SCFD2: variants seen among roughly 807,000 people sequenced by gnomAD.
The protein encoded by SCFD2 is sec1 family domain-containing protein 2.
Under a neutral mutation model 58.9 loss-of-function variants are expected in SCFD2, and 54 were observed. The ratio of observed to expected loss-of-function variants is 0.92; its 90% CI spans 0.74 to 1.15. The LOEUF (loss-of-function observed/expected upper bound fraction) is 1.15, where lower values mean the gene tolerates loss of function less well. Ranked by LOEUF, SCFD2 falls within the 50% of genes most tolerant of loss-of-function variation. The pLI, the probability that SCFD2 is intolerant of heterozygous loss-of-function variation, is 0.00. For missense variants in SCFD2, 805 were observed against 836.6 expected (o/e 0.96, Z 0.47); for synonymous variants, 321 against 335.9 (o/e 0.96, Z 0.49).
intron 2 of SCFD2, among the ~76,000 whole-genome samples, chr4:53,320,604 T>TAA (rs2149118873): frequency 6.6e-6 from 1 of 152,048 alleles, no homozygotes; most frequent in Admixed American, 6.6e-5. Flanking sequence ...GAGAGAAGAG[T>TAA]AAAACCCTGT....
chr4:53,029,239 CG>C (rs146330207), intron 5 of SCFD2, among the ~76,000 whole-genome samples: 26,139 of 151,092 alleles, frequency 0.17, 2,596 homozygotes, highest in Admixed American at 0.26. Flanking sequence ...AAAAATCTTA[CG>C]AAAAAAAAAA....
At chr4:53,276,040 G>C (rs1230711275) in intron 3 of SCFD2, among the ~76,000 whole-genome samples, 1 of 151,990 alleles carries the variant, frequency 6.6e-6, no homozygotes, top group Non-Finnish European at 1.5e-5. Context: ...GTGTGTGTGT[G>C]TGTATACATA....
intron 2 of SCFD2, among the ~76,000 whole-genome samples, chr4:53,349,353 G>A (rs115325235): frequency 2.6e-5 from 4 of 152,172 alleles, no homozygotes; most frequent in South Asian, 4.1e-4. Flanking sequence ...ACAACATGAC[G>A]TCCAAACATC....
intron 5 of SCFD2, among the ~76,000 whole-genome samples, chr4:53,057,784 T>G (rs1419765818): frequency 6.6e-6 from 1 of 152,094 alleles, no homozygotes; most frequent in East Asian, 1.9e-4. Flanking sequence ...ATTAGAGGCC[T>G]CTCATTACTT....
At chr4:52,949,128 A>T (rs1275358886) in intron 5 of SCFD2, 1 of 152,276 alleles carries the variant, frequency 6.6e-6, no homozygotes, top group African/African-American at 2.4e-5. Flanking sequence ...TCTATAGGAC[A>T]CTCAAATATT....
At chr4:53,249,825 G>C (rs564501808) in intron 4 of SCFD2, among the ~76,000 whole-genome samples, 1 of 152,124 alleles carries the variant, frequency 6.6e-6, no homozygotes, top group African/African-American at 2.4e-5. Context: ...AGGAACAACC[G>C]GTACCAGCCA....
chr4:53,064,340 T>C (rs1723597884), intron 5 of SCFD2, among the ~76,000 whole-genome samples: 1 of 152,090 alleles, frequency 6.6e-6, no homozygotes. Context: ...CACATACCAT[T>C]TTGATTAAAT....
At chr4:52,966,087 A>G (rs1720956657) in intron 5 of SCFD2, among the ~76,000 whole-genome samples, 2 of 152,318 alleles carry the variant, frequency 1.3e-5, no homozygotes, top group South Asian at 4.1e-4. Context: ...TTGACAGCCC[A>G]GTCTTGACAT....
chr4:52,991,563 C>T (rs1424062159), intron 5 of SCFD2, among the ~76,000 whole-genome samples: 1 of 152,100 alleles, frequency 6.6e-6, no homozygotes, highest in African/African-American at 2.4e-5. Context: ...GACTGGCACC[C>T]AGAGACAAAG....
chr4:53,042,017 C>G (rs891155356), intron 5 of SCFD2, among the ~76,000 whole-genome samples: 1 of 152,094 alleles, frequency 6.6e-6, no homozygotes, highest in African/African-American at 2.4e-5. Flanking sequence ...TCAAATATAC[C>G]TAAGAGCCAG....
At chr4:53,278,561 A>G (rs1402351461) in intron 3 of SCFD2, among the ~76,000 whole-genome samples, 1 of 151,942 alleles carries the variant, frequency 6.6e-6, no homozygotes, top group Non-Finnish European at 1.5e-5. Context: ...TTTTTATCCA[A>G]TCAGCATTTC....
At chr4:53,181,423 G>C (rs377511792) in intron 4 of SCFD2, among the ~76,000 whole-genome samples, 14 of 152,244 alleles carry the variant, frequency 9.2e-5, no homozygotes, top group Middle Eastern at 3.4e-3. Flanking sequence ...TATCTCAATA[G>C]ATGCAGAAAA....
chr4:53,111,738 T>C lies in SCFD2; in HGVS notation c.1561+33595A>G, dbSNP rs533381172. Among the ~76,000 whole-genome samples, 19 of 152,302 alleles carry C rather than the reference T, an allele frequency of 1.2e-4. No individual in the cohort carries two copies. The South Asian group carries it at 3.3e-3, about 27-fold the overall frequency. On this transcript the variant is annotated intron_variant, in intron 5 of 8. Transcript: ENST00000401642. ...ATATAGAGTTTCTGATTGTATTATC[T>C]GAAAATTTTATTACTAACTATATTT...
rs149741287 is a variant in SCFD2 at position 53,210,661 on chromosome 4, C to A, written c.1311+63165G>T. ...TATTTATTTCTATTTTTATTAATAACGTGCATTATTCTTTTTAATAAATTA... is the reference window on the plus strand; with the variant it reads ...TATTTATTTCTATTTTTATTAATAAAGTGCATTATTCTTTTTAATAAATTA... On this transcript the variant is annotated intron_variant, in intron 4 of 8. Coordinates refer to ENST00000401642, the MANE Select transcript of SCFD2 (RefSeq NM_152540.4). Among the ~76,000 whole-genome samples the A allele has an allele frequency of 1.9e-3, 294 of 152,108 alleles. 2 individuals carry two copies. Among genetic ancestry groups the A allele is most frequent in the African/African-American group, 6.9e-3 (285 of 41,450 alleles).
intron 3 of SCFD2, among the ~76,000 whole-genome samples, chr4:53,301,159 G>A (rs1560436757): frequency 6.6e-6 from 1 of 152,178 alleles, no homozygotes; most frequent in Middle Eastern, 3.4e-3. Context: ...ATAAATCCAG[G>A]AGCTGGTTTT....
chr4:52,901,480 GC>G (rs780740561), intron 7 of SCFD2, among the ~76,000 whole-genome samples: 3 of 152,178 alleles, frequency 2.0e-5, no homozygotes, highest in Non-Finnish European at 4.4e-5. Flanking sequence ...CCCTTGGAAT[GC>G]AGCTGCCATA....
chr4:53,312,483 T>C (rs1198005925), intron 3 of SCFD2, among the ~76,000 whole-genome samples: 1 of 152,130 alleles, frequency 6.6e-6, no homozygotes, highest in Non-Finnish European at 1.5e-5. Context: ...ATAACACATA[T>C]AAACAGTCCA....
At chr4:52,997,766 C>G (rs904970754) in intron 5 of SCFD2, among the ~76,000 whole-genome samples, 3 of 152,078 alleles carry the variant, frequency 2.0e-5, no homozygotes, top group Non-Finnish European at 2.9e-5. Context: ...GGAATTAGGG[C>G]CAAACCCCAA....
At chr4:53,039,575 A>G (rs2148823552) in intron 5 of SCFD2, among the ~76,000 whole-genome samples, 1 of 152,264 alleles carries the variant, frequency 6.6e-6, no homozygotes, top group African/African-American at 2.4e-5. Flanking sequence ...GGCCCTAACC[A>G]AATTTCTCAC....
Sources: allele counts gnomAD v4.1 joint callset (sites outside exome capture counted in the v4.1 genomes callset), GRCh38; gene constraint gnomAD v4.1.1; transcripts MANE v1.5; gene names NCBI Gene and HGNC (gene_info 2026-07-23, HGNC 2026-07-21).